The following DACH1 variants were observed in gnomAD, a reference collection of about 807,000 sequenced individuals.
DACH1 encodes dachshund homolog 1.
A neutral mutation model predicts 54.2 loss-of-function variants in DACH1; 12 were observed. The observed-to-expected ratio is 0.22, with a 90% confidence interval of 0.14 to 0.36. The LOEUF (loss-of-function observed/expected upper bound fraction) is 0.36, where lower values mean the gene tolerates loss of function less well. DACH1 is among the 10% of genes least tolerant of loss of function. DACH1 has a pLI of 1.00. For synonymous variants in DACH1, 386 were observed against 366.2 expected, an observed-to-expected ratio of 1.05 and a Z score of -0.62; for missense variants, 805 against 929.8, an observed-to-expected ratio of 0.87 and a Z score of 1.75.
chr13:71,563,350 T>C (rs956718563), intron 4 of DACH1, among the ~76,000 whole-genome samples: 1 of 151,974 alleles, frequency 6.6e-6, no homozygotes, highest in Admixed American at 6.6e-5. Context: ...TAAAATGATT[T>C]TGCAAGTCTG....
At chr13:71,475,066 C>A (rs936505184) in intron 10 of DACH1, 75 bp downstream of exon 10, 45 of 1,362,698 alleles carry the variant, frequency 3.3e-5, no homozygotes, top group Admixed American at 1.2e-4. Flanking sequence ...AGGCTACATG[C>A]TTGAATAGCA....
chr13:71,581,773 T>C (rs1872871869), intron 3 of DACH1, among the ~76,000 whole-genome samples: 1 of 152,318 alleles, frequency 6.6e-6, no homozygotes, highest in Non-Finnish European at 1.5e-5. Flanking sequence ...ATCTAGTATA[T>C]ATCATGTACT....
intron 1 of DACH1, among the ~76,000 whole-genome samples, chr13:71,725,424 A>T (rs1883425624): frequency 6.6e-6 from 1 of 152,134 alleles, no homozygotes; most frequent in Admixed American, 6.6e-5. Context: ...CTCTGAGTGC[A>T]TTGTGGTATC....
intron 1 of DACH1, among the ~76,000 whole-genome samples, chr13:71,834,124 GAAAAA>G (rs776647964): frequency 2.6e-4 from 39 of 152,010 alleles, no homozygotes; most frequent in Non-Finnish European, 5.3e-4. Flanking sequence ...AAAATGGACA[GAAAAA>G]ATCAATTAAA....
chr13:71,633,475 T>C (rs1439736199), intron 2 of DACH1, among the ~76,000 whole-genome samples: 1 of 152,168 alleles, frequency 6.6e-6, no homozygotes, highest in Non-Finnish European at 1.5e-5. Context: ...CCCCTGACTT[T>C]TAAAAATATT....
intron 10 of DACH1, among the ~76,000 whole-genome samples, chr13:71,469,754 G>A (rs1876905759): frequency 6.6e-6 from 1 of 152,160 alleles, no homozygotes; most frequent in South Asian, 2.1e-4. Context: ...TTAAAATTCA[G>A]CATGTATCTT....
chr13:71,492,758 T>C (rs758415477), intron 6 of DACH1, among the ~76,000 whole-genome samples: 1 of 151,806 alleles, frequency 6.6e-6, no homozygotes, highest in Non-Finnish European at 1.5e-5. Flanking sequence ...TGTGTGTGTG[T>C]GTGAGTGTAT....
At chr13:71,532,929 C>G (rs537591330) in intron 6 of DACH1, among the ~76,000 whole-genome samples, 17 of 151,710 alleles carry the variant, frequency 1.1e-4, no homozygotes, top group Non-Finnish European at 2.1e-4. Context: ...ATATATTTTT[C>G]TAATTATGGG....
intron 6 of DACH1, among the ~76,000 whole-genome samples, chr13:71,552,216 C>A (rs1447104125): frequency 1.3e-5 from 2 of 152,080 alleles, no homozygotes; most frequent in Non-Finnish European, 1.5e-5. Flanking sequence ...CATTTCATTT[C>A]TTTTCATTCA....
At chr13:71,745,702 G>A (rs186672352) in intron 1 of DACH1, among the ~76,000 whole-genome samples, 8 of 152,302 alleles carry the variant, frequency 5.3e-5, no homozygotes, top group African/African-American at 1.9e-4. Flanking sequence ...GTTACAAAGT[G>A]AGTGGTGCTT....
At chr13:71,712,696 T>TG (rs1882778222) in intron 1 of DACH1, among the ~76,000 whole-genome samples, 1 of 152,166 alleles carries the variant, frequency 6.6e-6, no homozygotes, top group Non-Finnish European at 1.5e-5. Context: ...ATTTTTTTAA[T>TG]GAAAATGTTG....
At chr13:71,755,588 A>T (rs1885109692) in intron 1 of DACH1, among the ~76,000 whole-genome samples, 1 of 152,208 alleles carries the variant, frequency 6.6e-6, no homozygotes, top group African/African-American at 2.4e-5. Flanking sequence ...AGGGCTACTA[A>T]GTAGCAGAAC....
intron 4 of DACH1, among the ~76,000 whole-genome samples, chr13:71,568,870 A>G (rs1301058152): frequency 6.6e-6 from 1 of 152,082 alleles, no homozygotes; most frequent in Non-Finnish European, 1.5e-5. Flanking sequence ...TATTTAATAT[A>G]TCCCCACAGA....
At chr13:71,583,794 C>T (rs780654521) in intron 3 of DACH1, among the ~76,000 whole-genome samples, 2 of 152,046 alleles carry the variant, frequency 1.3e-5, no homozygotes, top group Non-Finnish European at 1.5e-5. Flanking sequence ...ATGACCATGC[C>T]GCTGCATTCC....
chr13:71,753,391 T>G (rs1453896248), intron 1 of DACH1, among the ~76,000 whole-genome samples: 1 of 152,176 alleles, frequency 6.6e-6, no homozygotes, highest in Non-Finnish European at 1.5e-5. Context: ...AAAGCAATAA[T>G]TCACAGATTC....
intron 10 of DACH1, among the ~76,000 whole-genome samples, chr13:71,446,697 G>A (rs1874497943): frequency 6.6e-6 from 1 of 152,122 alleles, no homozygotes; most frequent in Admixed American, 6.6e-5. Context: ...CAGAATTATA[G>A]GACTGACTCC....
intron 1 of DACH1, among the ~76,000 whole-genome samples, chr13:71,859,783 T>G (rs1233032302): frequency 6.6e-6 from 1 of 151,936 alleles, no homozygotes; most frequent in African/African-American, 2.4e-5. Context: ...ACTATCCTAA[T>G]GAAGTCATTC....
chr13:71,653,420 G>A (rs752806684), intron 2 of DACH1, among the ~76,000 whole-genome samples: 5 of 152,152 alleles, frequency 3.3e-5, no homozygotes, highest in African/African-American at 4.8e-5. Flanking sequence ...GCTGCTCCCT[G>A]ATCTGTCATT....
intron 1 of DACH1, among the ~76,000 whole-genome samples, chr13:71,794,922 C>G (rs1005668048): frequency 8.5e-5 from 13 of 152,088 alleles, no homozygotes; most frequent in Non-Finnish European, 8.8e-5. Flanking sequence ...TTCCAATAAT[C>G]TTAAGCATAT....
Sources: gnomAD v4.1 joint callset for allele counts (sites outside exome capture counted in the v4.1 genomes callset) on GRCh38, gnomAD v4.1.1 for gene constraint, MANE v1.5 for transcripts, NCBI Gene and HGNC (gene_info 2026-07-23, HGNC 2026-07-21) for gene names.